Variants in HIPK1 observed in about 807,000 individuals in gnomAD.
The protein encoded by HIPK1 is homeodomain-interacting protein kinase 1.
A neutral mutation model predicts 117.1 loss-of-function variants in HIPK1; 28 were observed. The ratio of observed to expected loss-of-function variants is 0.24; its 90% CI spans 0.18 to 0.33. HIPK1 has a LOEUF of 0.33. Among genes scored for constraint, HIPK1 ranks in the 10% least tolerant of loss-of-function variants. HIPK1 has a pLI of 1.00. For missense variants in HIPK1, 1,122 were observed against 1,475.1 expected, an observed-to-expected ratio of 0.76 and a Z score of 3.92; for synonymous variants, 605 against 562.5, an observed-to-expected ratio of 1.08 and a Z score of -1.07.
At chr1:113,934,715 G>T (rs1388834568) in intron 1 of HIPK1, among the ~76,000 whole-genome samples, 12 of 149,892 alleles carry the variant, frequency 8.0e-5, no homozygotes, top group Admixed American at 4.0e-4. Context: ...GGAGGCCAAG[G>T]CAGGAGGAGG....
chr1:113,964,846 C>T (rs911230262), intron 10 of HIPK1, among the ~76,000 whole-genome samples: 1 of 152,160 alleles, frequency 6.6e-6, no homozygotes, highest in Non-Finnish European at 1.5e-5. Flanking sequence ...TTTGCACTAG[C>T]CATTTGCTAA....
At chr1:113,963,144 G>T (rs994877676) in intron 9 of HIPK1, among the ~76,000 whole-genome samples, 2 of 152,186 alleles carry the variant, frequency 1.3e-5, no homozygotes, top group Admixed American at 6.5e-5. Context: ...TCATAGAACT[G>T]ATCCCCTGAA....
intron 2 of HIPK1, among the ~76,000 whole-genome samples, chr1:113,944,652 G>C (rs956845326): frequency 6.7e-6 from 1 of 150,010 alleles, no homozygotes; most frequent in African/African-American, 2.5e-5. Flanking sequence ...GCTAATTTTT[G>C]TATTTTTAGT....
intron 1 of HIPK1, among the ~76,000 whole-genome samples, chr1:113,937,445 T>C (rs1355513441): frequency 6.6e-6 from 1 of 151,028 alleles, no homozygotes; most frequent in African/African-American, 2.4e-5. Flanking sequence ...ACCACACAGA[T>C]AAAAAGGAGG....
chr1:113,962,282 G>A, intron 8 of HIPK1, 35 bp from the exon 9 acceptor site: 1 of 1,607,318 alleles, frequency 6.2e-7, no homozygotes, highest in Non-Finnish European at 8.5e-7. Flanking sequence ...CCCAGACCTT[G>A]CAAAACTATT....
Position 113,929,346 on chromosome 1 carries a change from TACCACCGCCAGGCACCTTTAAATCA to T in HIPK1, c.-188_-164del. Reference sequence around the variant, plus strand: ...GATGACATTTTACAGTTGGATCCCGTACCACCGCCAGGCACCTTTAAATCACCGCAGAGTCTGCAGTGCGGAGGGG... The same window carrying T: ...GATGACATTTTACAGTTGGATCCCGTCCGCAGAGTCTGCAGTGCGGAGGGG... On this transcript the variant is annotated 5_prime_UTR_variant, in exon 1 of 16. Coordinates refer to ENST00000426820, the MANE Select transcript of HIPK1 (RefSeq NM_198268.3). 1 of 1,289,438 alleles carries T rather than the reference TACCACCGCCAGGCACCTTTAAATCA, an allele frequency of 7.8e-7. No individual in the cohort carries two copies. Among genetic ancestry groups the T allele is most frequent in the Non-Finnish European group, 1.0e-6 (1 of 988,854 alleles). 79.9% of individuals were successfully genotyped at this position (1,289,438 alleles called of 1,614,324 possible).
rs746815413 is a variant in HIPK1 at position 113,974,929 on chromosome 1, G to A, written c.*1417G>A. 1.3e-5 allele frequency: 2 copies of A among 152,738 alleles called. No individual in the cohort carries two copies. Among genetic ancestry groups the A allele is most frequent in the Non-Finnish European group, 2.9e-5 (2 of 68,034 alleles). 9.5% of individuals were successfully genotyped at this position (152,738 alleles called of 1,614,324 possible). ...CCGGAGATGGATTGATGTCTCCATT[G>A]TATTTAAACCAAAATGAACTGATAC... is the stretch of plus-strand genomic sequence containing the variant. On this transcript the variant is annotated 3_prime_UTR_variant, in exon 16 of 16. Coordinates refer to ENST00000426820, the MANE Select transcript of HIPK1 (RefSeq NM_198268.3).
Position 113,970,165 on chromosome 1 carries a change from TTGG to T in HIPK1, c.2984_2986del (p.Gly995del). 6.2e-7 allele frequency: 1 copy of T among 1,614,168 alleles called. No homozygotes were observed. The highest frequency in any genetic ancestry group is 8.5e-7 in the Non-Finnish European group (1 of 1,180,026). On this transcript the variant is annotated inframe_deletion, in exon 14 of 16. Coordinates refer to ENST00000426820, the MANE Select transcript of HIPK1 (RefSeq NM_198268.3). ...ATTGTGCCTCCACTGAAAACTCAGC[TTGG>T]TGACTGCACTGTAGCAACCCAGGCC... is the stretch of plus-strand genomic sequence containing the variant.
rs1437810472 is a variant in HIPK1 at position 113,956,959 on chromosome 1, TA to T, written c.1592+153del. ...TCTTTCTCATTGAAACATCATAAGA[TA>T]AAAATTAGATGTGTATTTTTCTTCC... is the stretch of plus-strand genomic sequence containing the variant. On this transcript the variant is annotated intron_variant, in intron 6 of 15. Transcript: ENST00000426820. 2.6e-4 allele frequency: 240 copies of T among 908,392 alleles called. 1 individual carries two copies. In the Middle Eastern group the frequency reaches 7.9e-3, roughly 30 times the overall value. The allele number at this position is 908,392 out of a possible 1,614,324, so 56.3% of individuals were successfully genotyped here. A position where few individuals can be genotyped will look rare whatever the true frequency, so the allele number is the denominator to read the frequency against.
chr1:113,964,725 G>C (rs968176808), intron 10 of HIPK1, among the ~76,000 whole-genome samples: 1 of 152,190 alleles, frequency 6.6e-6, no homozygotes, highest in African/African-American at 2.4e-5. Flanking sequence ...GTGTGAGGGA[G>C]TCAGATATAT....
Position 113,940,943 on chromosome 1 carries a change from C to G in HIPK1, c.560C>G (p.Thr187Ser), listed in dbSNP as rs1282135681. The change falls in exon 2 of 16, where the codon ACC (threonine) becomes AGC (serine). Residue 187 changes from threonine to serine, a missense_variant. This residue lies in a region of HIPK1 where 192 missense variants were observed against 234.0 expected (regional missense o/e 0.82). Transcript: ENST00000426820. ...CAGCATGAGATCCTTTGCTCTATGA[C>G]CAATAGCTATGAAGTCTTGGAGTTC... The part of the protein sequence containing the change: ...LVQHEILCSM[T>S]NSYEVLEFLG... The G allele has an allele frequency of 1.2e-6, 2 of 1,614,020 alleles. No individual in the cohort carries two copies. Among genetic ancestry groups the G allele is most frequent in the African/African-American group, 1.3e-5 (1 of 74,884 alleles).
rs538218821 is a variant in HIPK1 at position 113,946,023 on chromosome 1, G to A, written c.1076+4564G>A. On this transcript the variant is annotated intron_variant, in intron 2 of 15. Transcript: ENST00000426820. ...ATAAAACTGGTATTTTTTACTTGAG[G>A]TAAGGTAAATAAACTCTTAGAGCCT... Among the ~76,000 whole-genome samples, 100 of 152,192 alleles carry A rather than the reference G, an allele frequency of 6.6e-4. 1 individual carries two copies. The highest frequency in any genetic ancestry group is 2.4e-3 in the African/African-American group (98 of 41,514).
chr1:113,951,514 GTCATCTCT>G (rs1285316004), intron 2 of HIPK1, among the ~76,000 whole-genome samples: 3 of 152,140 alleles, frequency 2.0e-5, no homozygotes, highest in Non-Finnish European at 4.4e-5. Context: ...GATTACCTTA[GTCATCTCT>G]TTAAAGTTCC....
In HIPK1 at chr1:113,976,660, CTG is replaced by C. The variant is rs1478506190; in HGVS notation, c.*3152_*3153del. 6.5e-6 allele frequency: 1 copy of C among 152,760 alleles called. No individual in the cohort carries two copies. The highest frequency in any genetic ancestry group is 2.4e-5 in the African/African-American group (1 of 41,430). The allele number at this position is 152,760 out of a possible 1,614,324, so 9.5% of individuals were successfully genotyped here. A position where few individuals can be genotyped will look rare whatever the true frequency, so the allele number is the denominator to read the frequency against. On this transcript the variant is annotated 3_prime_UTR_variant, in exon 16 of 16. Transcript: ENST00000426820. ...CCGATTTTCCAGCATAAAAATCCAC[CTG>C]TGTCTGCTGAATGTGTATGTATGTG...
At chr1:113,930,871 C>T (rs889507587) in intron 1 of HIPK1, 10 of 152,204 alleles carry the variant, frequency 6.6e-5, no homozygotes, top group African/African-American at 2.2e-4. Context: ...TAAGTCTTTT[C>T]TTTACTTAAT....
chr1:113,946,538 A>G (rs1390955804), intron 2 of HIPK1, among the ~76,000 whole-genome samples: 1 of 152,230 alleles, frequency 6.6e-6, no homozygotes, highest in Non-Finnish European at 1.5e-5. Context: ...TGTGTAATTC[A>G]TTTGAATAAT....
chr1:113,957,883 C>G (rs928454907), intron 7 of HIPK1, among the ~76,000 whole-genome samples, 183 bp from the exon 8 acceptor site: 1 of 151,556 alleles, frequency 6.6e-6, no homozygotes, highest in African/African-American at 2.4e-5. Flanking sequence ...GCTTATTTGA[C>G]CATATAATAT....
intron 1 of HIPK1, among the ~76,000 whole-genome samples, chr1:113,932,883 C>G (rs758289560): frequency 3.9e-5 from 6 of 152,232 alleles, no homozygotes; most frequent in Non-Finnish European, 8.8e-5. Context: ...AGAGCCTCCT[C>G]CATCTTCCAT....
chr1:113,935,121 C>A (rs996422465), intron 1 of HIPK1, among the ~76,000 whole-genome samples: 4 of 150,350 alleles, frequency 2.7e-5, no homozygotes, highest in Non-Finnish European at 5.9e-5. Flanking sequence ...GATATTTTGT[C>A]GTCCAGGTAA....
Sources: allele counts gnomAD v4.1 joint callset (sites outside exome capture counted in the v4.1 genomes callset), GRCh38; gene constraint gnomAD v4.1.1; regional missense constraint gnomAD v4.1.1; transcripts MANE v1.5; gene names NCBI Gene and HGNC (gene_info 2026-07-23, HGNC 2026-07-21).